The following DSG1 variants were observed in gnomAD, a reference collection of about 807,000 sequenced individuals.
DSG1 encodes the protein desmoglein-1.
Under a neutral mutation model 97.5 loss-of-function variants are expected in DSG1, and 39 were observed. The observed-to-expected ratio is 0.40, with a 90% CI of 0.31 to 0.52. The LOEUF is 0.52. DSG1 is among the 20% of genes least tolerant of loss of function. The probability of loss-of-function intolerance (pLI) is 0.53; values close to 1 mark genes in which losing one functional copy is unlikely to be tolerated. For synonymous variants in DSG1, 475 were observed against 443.4 expected, an observed-to-expected ratio of 1.07 and a Z score of -0.90; for missense variants, 1,311 against 1,295.4, an observed-to-expected ratio of 1.01 and a Z score of -0.18.
intron 5 of DSG1, among the ~76,000 whole-genome samples, chr18:31,331,470 G>C (rs905612210): frequency 2.6e-5 from 4 of 152,046 alleles, no homozygotes; most frequent in Non-Finnish European, 5.9e-5. Flanking sequence ...CATTTCCTTT[G>C]TTTCCCAGTT....
At chr18:31,318,449 A>G in intron 1 of DSG1, 101 bp downstream of exon 1, 1 of 914,416 alleles carries the variant, frequency 1.1e-6, no homozygotes, top group East Asian at 2.4e-5. Context: ...ACCTAAACCC[A>G]TTGAAAATGT....
rs2071953595 is a variant in DSG1 at position 31,355,898 on chromosome 18, A to G, written c.*552A>G. ...GCACTCCTACCTTAATTATTGCACT[A>G]GAGAAAATAAATTCCAAATTAGGAA... On this transcript the variant is annotated 3_prime_UTR_variant, in exon 15 of 15. Coordinates refer to ENST00000257192, the MANE Select transcript of DSG1 (RefSeq NM_001942.4). 2 of 153,430 alleles carry G rather than the reference A, an allele frequency of 1.3e-5. No individual in the cohort carries two copies. Among genetic ancestry groups the G allele is most frequent in the Non-Finnish European group, 1.5e-5 (1 of 68,964 alleles). 9.5% of individuals were successfully genotyped at this position (153,430 alleles called of 1,614,324 possible).
intron 1 of DSG1, 111 bp downstream of exon 1, chr18:31,318,459 T>C (rs966071539): frequency 9.3e-6 from 8 of 856,852 alleles, no homozygotes; most frequent in Non-Finnish European, 1.6e-5. Context: ...ATTGAAAATG[T>C]ATATTAATGA....
chr18:31,338,106 G>A (rs1487314941), intron 9 of DSG1, among the ~76,000 whole-genome samples: 1 of 152,010 alleles, frequency 6.6e-6, no homozygotes, highest in African/African-American at 2.4e-5. Context: ...TGGGTGCTCA[G>A]TAATTTTTTT....
In DSG1 at chr18:31,346,076, G is replaced by A; in HGVS notation, c.1978G>A (p.Val660Ile). ...RMTGFELTEGVKTSGMPEICQ... is the reference protein window; with the variant it reads ...RMTGFELTEGIKTSGMPEICQ... ...GACAGGATTTGAACTAACAGAGGGAGTTAAAACTTCAGGAATGCCTGAGAT... is the reference window on the plus strand; with the variant it reads ...GACAGGATTTGAACTAACAGAGGGAATTAAAACTTCAGGAATGCCTGAGAT... Residue 660 changes from valine to isoleucine, a missense_variant, in exon 14 of 15, where the codon GTT (valine) becomes ATT (isoleucine). By Grantham distance (29) the Val-to-Ile change is conservative. This residue lies in a region of DSG1 where 1,038 missense variants were observed against 964.6 expected (regional missense o/e 1.08). Coordinates refer to ENST00000257192, the MANE Select transcript of DSG1 (RefSeq NM_001942.4). 1 of 1,613,922 alleles carries A rather than the reference G, an allele frequency of 6.2e-7. No homozygotes were observed. The highest frequency in any genetic ancestry group is 1.1e-5 in the South Asian group (1 of 91,074).
chr18:31,335,066 C>A (rs1205152596), intron 8 of DSG1, among the ~76,000 whole-genome samples: 1 of 152,116 alleles, frequency 6.6e-6, no homozygotes, highest in African/African-American at 2.4e-5. Flanking sequence ...ACGACTCTGT[C>A]CCCATACGAA....
chr18:31,337,601 T>G (rs1305480403), intron 9 of DSG1, among the ~76,000 whole-genome samples: 1 of 152,108 alleles, frequency 6.6e-6, no homozygotes, highest in Non-Finnish European at 1.5e-5. Flanking sequence ...TCACATAGTG[T>G]GAGTAGTTCT....
rs775041590 is a variant in DSG1 at position 31,354,798 on chromosome 18, G to C, written c.2602G>C (p.Val868Leu). The C allele has an allele frequency of 1.2e-6, 2 of 1,614,186 alleles. No individual in the cohort carries two copies. The highest frequency in any genetic ancestry group is 2.2e-5 in the East Asian group (1 of 44,884). Residue 868 changes from valine to leucine, a missense_variant, in exon 15 of 15, where the codon GTG becomes CTG. Physicochemically the swap from Val to Leu is conservative, Grantham distance 32 (BLOSUM62 1). Around this residue, in one of 3 missense-constraint regions of DSG1, gnomAD observed 1,038 missense variants for 964.6 expected, o/e 1.08. Coordinates refer to ENST00000257192, the MANE Select transcript of DSG1 (RefSeq NM_001942.4). Reference sequence around the variant, plus strand: ...ATCAAACGTGGTAGTGACAGAGAGAGTGGTCGGCCCAATCTCTGGCGCTGA... The same window carrying C: ...ATCAAACGTGGTAGTGACAGAGAGACTGGTCGGCCCAATCTCTGGCGCTGA... ...PASNVVVTERVVGPISGADLH... is the reference protein window; with the variant it reads ...PASNVVVTERLVGPISGADLH...
chr18:31,339,959 T>G lies in DSG1; in HGVS notation c.1621T>G (p.Ser541Ala), dbSNP rs145564855. Reference protein sequence around the residue: ...EPGNGAKDLLSDNVHFGPAGI... With the variant: ...EPGNGAKDLLADNVHFGPAGI... ...CGGAAACGGAGCCAAAGATTTGTTA[T>G]CAGACAATGTACATTTTGGTCCTGC... The change falls in exon 11 of 15, where the codon TCA becomes GCA. Residue 541 changes from serine to alanine, a missense_variant. Coordinates refer to ENST00000257192, the MANE Select transcript of DSG1 (RefSeq NM_001942.4). The G allele has an allele frequency of 6.2e-7, 1 of 1,614,110 alleles. No homozygotes were observed. Among genetic ancestry groups the G allele is most frequent in the Non-Finnish European group, 8.5e-7 (1 of 1,179,996 alleles).
intron 3 of DSG1, 41 bp downstream of exon 3, chr18:31,327,046 G>A (rs1322525080): frequency 2.5e-6 from 4 of 1,611,792 alleles, no homozygotes; most frequent in Admixed American, 1.7e-5. Context: ...AAATCAGAAT[G>A]GATAAAGTTT....
intron 9 of DSG1, among the ~76,000 whole-genome samples, chr18:31,337,959 G>A (rs1397607288): frequency 6.6e-6 from 1 of 152,164 alleles, no homozygotes; most frequent in African/African-American, 2.4e-5. Context: ...TTAGAATTAG[G>A]AGCAGCCTGG....
chr18:31,322,248 G>A (rs1297268262), intron 1 of DSG1, among the ~76,000 whole-genome samples: 1 of 152,224 alleles, frequency 6.6e-6, no homozygotes, highest in Non-Finnish European at 1.5e-5. Context: ...CCTTGCACCA[G>A]TGCAAGATTG....
At chr18:31,340,476 T>G (rs1169533138) in intron 11 of DSG1, among the ~76,000 whole-genome samples, 1 of 149,760 alleles carries the variant, frequency 6.7e-6, no homozygotes, top group Non-Finnish European at 1.5e-5. Flanking sequence ...GGCATGGTGG[T>G]AGGTGCCTCT....
intron 7 of DSG1, 59 bp downstream of exon 7, chr18:31,333,782 G>C (rs17659208): frequency 8.2e-6 from 13 of 1,582,326 alleles, no homozygotes; most frequent in Non-Finnish European, 1.1e-5. Flanking sequence ...AAACATATAC[G>C]AACAATTCTG....
At chr18:31,320,086 A>G (rs2071644287) in intron 1 of DSG1, among the ~76,000 whole-genome samples, 1 of 152,132 alleles carries the variant, frequency 6.6e-6, no homozygotes, top group Non-Finnish European at 1.5e-5. Flanking sequence ...AAAACATTTC[A>G]CTTTCTAAGG....
At chr18:31,354,157 G>A (rs1041459895) in intron 14 of DSG1, 140 bp from the exon 15 acceptor site, 24 of 666,828 alleles carry the variant, frequency 3.6e-5, no homozygotes, top group Middle Eastern at 3.7e-4. Flanking sequence ...GATTTTTAGA[G>A]CATCTCTAGT....
At position 31,333,899 on chromosome 18, in the gene DSG1, G is replaced by A. The variant is rs114938800; in HGVS notation, c.820-118G>A. The A allele has an allele frequency of 1.1e-5, 12 of 1,130,856 alleles. No individual in the cohort carries two copies. The South Asian group carries it at 1.4e-4, about 13-fold the overall frequency. The allele number at this position is 1,130,856 out of a possible 1,614,324, so 70.1% of individuals were successfully genotyped here. The stretch of plus-strand genomic sequence containing the variant: ...AATGGAGTTAAGCAATGAAAAATGA[G>A]ATGAAAACCACAGATATCTTTTCTA... On this transcript the variant is annotated intron_variant, in intron 7 of 14. Transcript: ENST00000257192.
intron 3 of DSG1, among the ~76,000 whole-genome samples, chr18:31,327,940 T>C (rs2071696495): frequency 6.6e-6 from 1 of 152,148 alleles, no homozygotes; most frequent in East Asian, 1.9e-4. Flanking sequence ...TTAGATATAG[T>C]AGGGTGATAT....
chr18:31,343,733 A>G, intron 12 of DSG1, 150 bp downstream of exon 12: 7 of 1,271,254 alleles, frequency 5.5e-6, no homozygotes, highest in Admixed American at 1.9e-5. Flanking sequence ...CAGAAACACA[A>G]CAAAATTAGA....
Sources: gnomAD v4.1 joint callset for allele counts (sites outside exome capture counted in the v4.1 genomes callset) on GRCh38, gnomAD v4.1.1 for gene constraint, gnomAD v4.1.1 regional missense constraint, MANE v1.5 for transcripts, NCBI Gene and HGNC (gene_info 2026-07-23, HGNC 2026-07-21) for gene names.